CCDC73: variants seen among roughly 807,000 people sequenced by gnomAD.
CCDC73 encodes coiled-coil domain containing 73.
In CCDC73, 95 loss-of-function variants were observed where a neutral mutation model predicts 116.5. The observed-to-expected ratio is 0.82, with a 90% CI of 0.69 to 0.97. The LOEUF is 0.97. CCDC73 is among the 50% of genes least tolerant of loss of function. The probability of loss-of-function intolerance (pLI) is 0.00; values close to 1 mark genes in which losing one functional copy is unlikely to be tolerated. For missense variants in CCDC73, 1,066 were observed against 1,206.8 expected, an observed-to-expected ratio of 0.88 and a Z score of 1.73; for synonymous variants, 398 against 401.3, an observed-to-expected ratio of 0.99 and a Z score of 0.10.
upstream of CCDC73, among the ~76,000 whole-genome samples, chr11:32,796,727 C>T (rs1038386107): frequency 7.3e-5 from 11 of 151,572 alleles, no homozygotes; most frequent in Admixed American, 5.9e-4. Context: ...AGGGGTTTTT[C>T]GGCCAGCTGT....
intron 14 of CCDC73, among the ~76,000 whole-genome samples, chr11:32,617,298 T>G (rs995241841): frequency 1.3e-5 from 2 of 152,074 alleles, no homozygotes; most frequent in African/African-American, 4.8e-5. Context: ...ACAAAAAAAA[T>G]GGACTAACAT....
At chr11:32,697,259 T>A (rs1856319632) in intron 6 of CCDC73, among the ~76,000 whole-genome samples, 1 of 152,108 alleles carries the variant, frequency 6.6e-6, no homozygotes. Context: ...AAATACTTCA[T>A]CATACATTTT....
At chr11:32,618,871 A>G (rs1473677896) in intron 14 of CCDC73, among the ~76,000 whole-genome samples, 1 of 152,010 alleles carries the variant, frequency 6.6e-6, no homozygotes, top group Non-Finnish European at 1.5e-5. Context: ...TTTAATAGTC[A>G]TTCCGACTGG....
intron 1 of CCDC73, among the ~76,000 whole-genome samples, chr11:32,789,199 GA>G (rs1457834309): frequency 2.6e-5 from 4 of 151,754 alleles, no homozygotes; most frequent in Non-Finnish European, 4.4e-5. Context: ...GCCTTAGGGG[GA>G]AAAAAAGGGA....
intron 2 of CCDC73, among the ~76,000 whole-genome samples, chr11:32,741,794 T>C (rs576682411): frequency 5.9e-5 from 9 of 152,240 alleles, no homozygotes; most frequent in African/African-American, 2.2e-4. Flanking sequence ...TTTCTCCTAA[T>C]GTTATCCCTC....
intron 9 of CCDC73, among the ~76,000 whole-genome samples, chr11:32,663,256 T>C (rs1489105784): frequency 6.6e-6 from 1 of 152,226 alleles, no homozygotes; most frequent in Non-Finnish European, 1.5e-5. Context: ...GCATTGAATC[T>C]ATAAATTACC....
chr11:32,662,528 G>A (rs1418119454), intron 9 of CCDC73, among the ~76,000 whole-genome samples: 1 of 151,768 alleles, frequency 6.6e-6, no homozygotes, highest in African/African-American at 2.4e-5. Context: ...TTTGTGATGG[G>A]GTTGTTTTTT....
At chr11:32,766,697 T>TCATG (rs1486902743) in intron 1 of CCDC73, among the ~76,000 whole-genome samples, 1 of 152,164 alleles carries the variant, frequency 6.6e-6, no homozygotes, top group East Asian at 1.9e-4. Context: ...GAGAGCCAAA[T>TCATG]CATGAGTGAA....
At chr11:32,634,175 C>T (rs559082780) in intron 14 of CCDC73, among the ~76,000 whole-genome samples, 68 of 152,146 alleles carry the variant, frequency 4.5e-4, no homozygotes, top group Non-Finnish European at 7.5e-4. Flanking sequence ...GTTTACTTGA[C>T]CAGTATTACT....
rs1855469236 is a variant in CCDC73 at position 32,615,935 on chromosome 11, G to A, written c.1375+5C>T. The A allele has an allele frequency of 2.0e-6, 3 of 1,532,946 alleles. No individual in the cohort carries two copies. The highest frequency in any genetic ancestry group is 2.7e-6 in the Non-Finnish European group (3 of 1,125,364). The allele number at this position is 1,532,946 out of a possible 1,614,324, so 95.0% of individuals were successfully genotyped here. Reference sequence around the variant, plus strand: ...TAGAAAATATCAATATAATTTTAAGGTTACCATCTATAATTATTTCCTCTA... The same window carrying A: ...TAGAAAATATCAATATAATTTTAAGATTACCATCTATAATTATTTCCTCTA... On this transcript the variant is annotated splice_donor_5th_base_variant and intron_variant, in intron 15 of 17. Transcript: ENST00000335185.
chr11:32,613,733 T>C lies in CCDC73; in HGVS notation c.2585A>G (p.Gln862Arg). The change falls in exon 16 of 18, where the codon CAG becomes CGG. Residue 862 changes from glutamine (Q) to arginine (R), a missense_variant. Coordinates refer to ENST00000335185, the MANE Select transcript of CCDC73 (RefSeq NM_001008391.4). ...IVSGKMFSEG[Q>R]LEESHSFHIE... ...GTGAAATGAATGTGATTCCTCCAGC[T>C]GTCCTTCACTGAACATTTTTCCTGA... The C allele has an allele frequency of 1.9e-6, 3 of 1,614,126 alleles. No homozygotes were observed. Among genetic ancestry groups the C allele is most frequent in the Non-Finnish European group, 2.5e-6 (3 of 1,179,996 alleles).
At chr11:32,764,940 CA>C (rs1246458989) in intron 1 of CCDC73, among the ~76,000 whole-genome samples, 1 of 151,036 alleles carries the variant, frequency 6.6e-6, no homozygotes, top group Non-Finnish European at 1.5e-5. Context: ...AAATGGAAAA[CA>C]AAAAAAAGCA....
chr11:32,708,804 CT>C (rs1489624557), intron 3 of CCDC73, among the ~76,000 whole-genome samples: 1 of 152,180 alleles, frequency 6.6e-6, no homozygotes, highest in Non-Finnish European at 1.5e-5. Flanking sequence ...GTTCTAGGAG[CT>C]TTTTGGATGA....
intron 7 of CCDC73, chr11:32,680,256 T>C (rs1355423378): frequency 6.6e-6 from 1 of 152,188 alleles, no homozygotes; most frequent in African/African-American, 2.4e-5. Context: ...TTTTAAAGAA[T>C]ACAAATAAAT....
At chr11:32,653,826 T>C in intron 11 of CCDC73, 152 bp downstream of exon 11, 1 of 821,144 alleles carries the variant, frequency 1.2e-6, no homozygotes, top group South Asian at 2.9e-5. Flanking sequence ...AATGAAAGTA[T>C]ATTGAGACTG....
At chr11:32,609,739 G>C (rs1049465486) in intron 17 of CCDC73, among the ~76,000 whole-genome samples, 1 of 152,148 alleles carries the variant, frequency 6.6e-6, no homozygotes, top group Non-Finnish European at 1.5e-5. Flanking sequence ...ACAGTTCCAT[G>C]TGGCTGGGGA....
the CCDC73 span, chr11:32,829,979 C>T: frequency 6.1e-6 from 6 of 984,666 alleles, no homozygotes; most frequent in Non-Finnish European, 7.2e-6. Context: ...GCGCGTGTTC[C>T]CCGGGCGCCC....
chr11:32,792,031 C>G (rs1181252129), intron 1 of CCDC73, among the ~76,000 whole-genome samples: 1 of 151,090 alleles, frequency 6.6e-6, no homozygotes, highest in Admixed American at 6.6e-5. Context: ...ATCCCCACCA[C>G]TGTTCTCATT....
chr11:32,635,712 T>A lies in CCDC73; in HGVS notation c.1169A>T (p.Glu390Val). 1 of 1,312,380 alleles carries A rather than the reference T, an allele frequency of 7.6e-7. No homozygotes were observed. The allele number at this position is 1,312,380 out of a possible 1,614,324, so 81.3% of individuals were successfully genotyped here. ...NKLCNQKTFE[E>V]DKKFQNVPEV... is the part of the protein sequence containing the mutation. ...AAATTTTACCTGAAACTTTTTGTCT[T>A]CCTCAAATGTTTTTTGATTGCATAA... The change falls in exon 14 of 18, where the codon GAA (glutamate) becomes GTA (valine). Residue 390 changes from glutamate to valine, a missense_variant. Coordinates refer to ENST00000335185, the MANE Select transcript of CCDC73 (RefSeq NM_001008391.4).
Sources: allele counts gnomAD v4.1 joint callset (sites outside exome capture counted in the v4.1 genomes callset), GRCh38; gene constraint gnomAD v4.1.1; transcripts MANE v1.5; gene names NCBI Gene and HGNC (gene_info 2026-07-23, HGNC 2026-07-21).